Variants in C8B observed in about 807,000 individuals in gnomAD.
The protein encoded by C8B is complement component C8 beta chain.
In C8B, 67 loss-of-function variants were observed where a neutral mutation model predicts 64.6. That is an observed-to-expected ratio of 1.04 (90% confidence interval 0.85 to 1.27). The LOEUF (loss-of-function observed/expected upper bound fraction) is 1.27. C8B is among the 50% of genes most tolerant of loss of function. The probability of loss-of-function intolerance (pLI) is 0.00; values close to 1 mark genes in which losing one functional copy is unlikely to be tolerated. For synonymous variants in C8B, 284 were observed against 257.7 expected (o/e 1.10, Z -0.98); for missense variants, 790 against 725.2 (o/e 1.09, Z -1.03).
chr1:56,943,336 A>C (rs1459651686), intron 8 of C8B, among the ~76,000 whole-genome samples: 2 of 152,212 alleles, frequency 1.3e-5, no homozygotes, highest in Non-Finnish European at 2.9e-5. Context: ...TGCTTGAAAG[A>C]GGAGATAATC....
intron 6 of C8B, among the ~76,000 whole-genome samples, chr1:56,948,976 T>C (rs1322888106): frequency 6.6e-6 from 1 of 151,414 alleles, no homozygotes; most frequent in Non-Finnish European, 1.5e-5. Context: ...GAAGGTTATC[T>C]CTGCCTGGTC....
chr1:56,965,781 G>A, intron 1 of C8B, 76 bp downstream of exon 1: 1 of 1,516,752 alleles, frequency 6.6e-7, no homozygotes, highest in Non-Finnish European at 9.2e-7. Context: ...ATGCAACAAA[G>A]AGATGGTCAG....
intron 9 of C8B, among the ~76,000 whole-genome samples, chr1:56,939,270 C>A (rs1644816565): frequency 1.3e-5 from 2 of 152,202 alleles, no homozygotes. Flanking sequence ...TCGGCCAAGC[C>A]CAGATTTCTC....
At chr1:56,959,021 G>A (rs1003304873) in intron 2 of C8B, among the ~76,000 whole-genome samples, 4 of 152,210 alleles carry the variant, frequency 2.6e-5, no homozygotes, top group Non-Finnish European at 5.9e-5. Flanking sequence ...CAGATATTGC[G>A]GAAATTGAGT....
Position 56,929,571 on chromosome 1 carries a change from AGG to A in C8B, c.1622-15_1622-14del. The A allele has an allele frequency of 1.2e-6, 2 of 1,613,314 alleles. No homozygotes were observed. On this transcript the variant is annotated splice_polypyrimidine_tract_variant and intron_variant, in intron 11 of 11. Coordinates refer to ENST00000371237, the MANE Select transcript of C8B (RefSeq NM_000066.4). ...TCAATGGGGGTATCTATAAGAAAGA[AGG>A]TCAATAAGCATCAATCAGCACTTCT...
chr1:56,952,165 T>C lies in C8B; in HGVS notation c.549A>G (p.Thr183=). ...GSLASGINLF[T]NSFEGPVLDH... is the part of the protein sequence containing the mutation. ...CAAGAACTGGGCCCTCAAAACTGTT[T>C]GTGAACAAATTTATCCTGTGAGGAA... Residue 183 remains threonine, a synonymous_variant, in exon 5 of 12, where the codon ACA becomes ACG. Transcript: ENST00000371237. The C allele has an allele frequency of 3.7e-6, 6 of 1,614,180 alleles. No individual in the cohort carries two copies. Among genetic ancestry groups the C allele is most frequent in the Non-Finnish European group, 5.1e-6 (6 of 1,180,012 alleles).
chr1:56,960,504 A>G (rs754285008), intron 1 of C8B, among the ~76,000 whole-genome samples: 8 of 152,224 alleles, frequency 5.3e-5, no homozygotes, highest in Non-Finnish European at 1.0e-4. Flanking sequence ...CCCTAGCTCT[A>G]TGGGACTTTA....
At chr1:56,931,068 C>A (rs1282464927) in intron 11 of C8B, among the ~76,000 whole-genome samples, 1 of 152,046 alleles carries the variant, frequency 6.6e-6, no homozygotes, top group Non-Finnish European at 1.5e-5. Flanking sequence ...AGTAAAGTGT[C>A]CAGTAAATGT....
intron 1 of C8B, 91 bp from the exon 2 acceptor site, chr1:56,960,267 T>A: frequency 8.2e-7 from 1 of 1,222,444 alleles, no homozygotes; most frequent in East Asian, 2.3e-5. Flanking sequence ...TAAATATATA[T>A]TTGCTCACTT....
At chr1:56,948,289 A>G (rs1321017595) in intron 6 of C8B, among the ~76,000 whole-genome samples, 1 of 152,236 alleles carries the variant, frequency 6.6e-6, no homozygotes, top group Non-Finnish European at 1.5e-5. Context: ...GAGATGAAAG[A>G]ACATGGATTA....
chr1:56,964,910 C>T lies in C8B; in HGVS notation c.92+947G>A, dbSNP rs114982055. Among the ~76,000 whole-genome samples, 695 of 152,268 alleles carry T rather than the reference C, an allele frequency of 4.6e-3. 5 individuals carry two copies. The highest frequency in any genetic ancestry group is 0.01 in the Admixed American group (154 of 15,302). On this transcript the variant is annotated intron_variant, in intron 1 of 11. Coordinates refer to ENST00000371237, the MANE Select transcript of C8B (RefSeq NM_000066.4). The stretch of plus-strand genomic sequence containing the variant: ...GGAAGGTCTTGGCAGCTTAGTTATT[C>T]TCTGGGCTAAATGGAGTTTCTTGAT...
chr1:56,947,759 G>A (rs776071580), intron 6 of C8B, among the ~76,000 whole-genome samples: 2 of 151,194 alleles, frequency 1.3e-5, no homozygotes, highest in Admixed American at 6.6e-5. Context: ...GTGAAACCCC[G>A]TCTCTACTAA....
intron 1 of C8B, among the ~76,000 whole-genome samples, chr1:56,961,418 G>A (rs1222358076): frequency 6.6e-6 from 1 of 152,150 alleles, no homozygotes; most frequent in Non-Finnish European, 1.5e-5. Flanking sequence ...ACTGCCACCT[G>A]GGCAGATGAG....
intron 9 of C8B, among the ~76,000 whole-genome samples, chr1:56,934,901 A>G (rs181948642): frequency 6.6e-6 from 1 of 152,288 alleles, no homozygotes; most frequent in African/African-American, 2.4e-5. Context: ...GCCATTAACC[A>G]AAAAGGCATT....
chr1:56,952,018 T>C (rs755704457), intron 5 of C8B, 30 bp downstream of exon 5: 1 of 1,612,928 alleles, frequency 6.2e-7, no homozygotes, highest in Non-Finnish European at 8.5e-7. Context: ...CAGCTGGGGC[T>C]CCCTCCACTG....
chr1:56,965,831 G>C, intron 1 of C8B, 26 bp downstream of exon 1: 1 of 1,613,064 alleles, frequency 6.2e-7, no homozygotes, highest in East Asian at 2.2e-5. Flanking sequence ...TTATTGATCA[G>C]GGAATTATTG....
intron 4 of C8B, among the ~76,000 whole-genome samples, chr1:56,954,265 G>A (rs1033887589): frequency 4.6e-5 from 7 of 152,110 alleles, no homozygotes; most frequent in Admixed American, 3.3e-4. Flanking sequence ...CTTCTTGGAG[G>A]GACCAATGCT....
At chr1:56,931,209 A>G (rs943247806) in intron 11 of C8B, among the ~76,000 whole-genome samples, 1 of 152,210 alleles carries the variant, frequency 6.6e-6, no homozygotes, top group Non-Finnish European at 1.5e-5. Context: ...AGAATTTGAG[A>G]TCTGGAAGGG....
At chr1:56,956,935 A>C in intron 2 of C8B, 25 bp from the exon 3 acceptor site, 1 of 1,613,786 alleles carries the variant, frequency 6.2e-7, no homozygotes, top group South Asian at 1.1e-5. Flanking sequence ...AGCCAGGTGA[A>C]CCAAGGGTAA....
Sources: allele counts gnomAD v4.1 joint callset (sites outside exome capture counted in the v4.1 genomes callset), GRCh38; gene constraint gnomAD v4.1.1; transcripts MANE v1.5; gene names NCBI Gene and HGNC (gene_info 2026-07-23, HGNC 2026-07-21).